FGFR1: variants seen among roughly 807,000 people sequenced by gnomAD.
The protein encoded by FGFR1 is fibroblast growth factor receptor 1.
A neutral mutation model predicts 93.7 loss-of-function variants in FGFR1; 18 were observed. The ratio of observed to expected loss-of-function variants is 0.19; its 90% CI spans 0.13 to 0.28. The LOEUF (loss-of-function observed/expected upper bound fraction) is 0.28, where lower values mean the gene tolerates loss of function less well. Ranked by LOEUF, FGFR1 falls within the 10% of genes least tolerant of loss-of-function variation. The pLI is 1.00. For synonymous variants in FGFR1, 448 were observed against 429.3 expected, an observed-to-expected ratio of 1.04 and a Z score of -0.54; for missense variants, 731 against 1,080.4, an observed-to-expected ratio of 0.68 and a Z score of 4.53.
chr8:38,419,831 T>C, intron 8 of FGFR1, 96 bp from the exon 9 acceptor site: 1 of 1,097,272 alleles, frequency 9.1e-7, no homozygotes. Context: ...TCCTGTCCCC[T>C]GGGAACTTTT....
intron 7 of FGFR1, 130 bp from the exon 8 acceptor site, chr8:38,422,071 CAAGG>C (rs1819012820): frequency 8.7e-7 from 1 of 1,154,606 alleles, no homozygotes; most frequent in Non-Finnish European, 1.3e-6. Flanking sequence ...TTCTTTGCAA[CAAGG>C]AACAAACGAA....
chr8:38,432,093 C>T lies in FGFR1; in HGVS notation c.92-2145G>A, dbSNP rs528980466. On this transcript the variant is annotated intron_variant, in intron 2 of 17. Coordinates refer to ENST00000447712, the MANE Select transcript of FGFR1 (RefSeq NM_023110.3). ...CTGGCATCACAAGGCCTATTGCAGC[C>T]GATCCCAGAGAAAAAAGCAGCTCCC... Among the ~76,000 whole-genome samples, 13 of 152,174 alleles carry T rather than the reference C, an allele frequency of 8.5e-5. No individual in the cohort carries two copies. The South Asian group carries it at 2.5e-3, about 29-fold the overall frequency.
chr8:38,440,590 T>A (rs934513500), intron 2 of FGFR1, among the ~76,000 whole-genome samples: 4 of 150,712 alleles, frequency 2.7e-5, no homozygotes, highest in African/African-American at 7.3e-5. Context: ...TTTTTTTTTT[T>A]AAATTGAAGA....
In FGFR1 at chr8:38,429,801, C is replaced by T. The variant is rs201055054; in HGVS notation, c.239G>A (p.Arg80His). ...CACCTCCACCTCCTCCCCTGTGATG[C>T]GGGTGCGGTTGCTTTCCGCCAGCTG... is the stretch of plus-strand genomic sequence containing the variant. ...GVQLAESNRT[R>H]ITGEEVEVQD... is the part of the protein sequence containing the mutation. The change falls in exon 3 of 18, where the codon CGC (arginine) becomes CAC (histidine). Residue 80 changes from arginine to histidine, a missense_variant. Arg to His is a conservative substitution (Grantham distance 29). This residue lies in a region of FGFR1 where 212 missense variants were observed against 205.8 expected (regional missense o/e 1.03). Coordinates refer to ENST00000447712, the MANE Select transcript of FGFR1 (RefSeq NM_023110.3). The surrounding 1 kb of genome is among the most constrained non-coding windows in gnomAD (Gnocchi z 4.4). 2.4e-5 allele frequency: 39 copies of T among 1,613,170 alleles called. No homozygotes were observed. Among genetic ancestry groups the T allele is most frequent in the African/African-American group, 6.7e-5 (5 of 75,038 alleles).
chr8:38,431,643 G>A (rs1404120272), intron 2 of FGFR1, among the ~76,000 whole-genome samples: 1 of 152,102 alleles, frequency 6.6e-6, no homozygotes, highest in Non-Finnish European at 1.5e-5. Flanking sequence ...GACTGACAGT[G>A]GTTTCTCTTG....
At chr8:38,420,666 GC>G (rs1818390848) in intron 8 of FGFR1, among the ~76,000 whole-genome samples, 1 of 152,056 alleles carries the variant, frequency 6.6e-6, no homozygotes, top group African/African-American at 2.4e-5. Flanking sequence ...AACACGCTTT[GC>G]CCCACGGGTG....
chr8:38,424,734 G>A lies in FGFR1; in HGVS notation c.746-35C>T, dbSNP rs1820111054. 1 of 1,599,346 alleles carries A rather than the reference G, an allele frequency of 6.3e-7. No individual in the cohort carries two copies. Among genetic ancestry groups the A allele is most frequent in the African/African-American group, 1.3e-5 (1 of 74,846 alleles). Reference sequence around the variant, plus strand: ...ATGGGAGAGGAGGCACTTGTCATGGGGACCTTGCCATGGCTAAAGAGGGGT... The same window carrying A: ...ATGGGAGAGGAGGCACTTGTCATGGAGACCTTGCCATGGCTAAAGAGGGGT... On this transcript the variant is annotated intron_variant, in intron 6 of 17. Transcript: ENST00000447712. This position sits in a 1 kb window ranked among gnomAD's most constrained non-coding sequence, Gnocchi z 4.3.
intron 14 of FGFR1, 27 bp from the exon 15 acceptor site, chr8:38,414,656 G>C (rs2150554121): frequency 6.2e-7 from 1 of 1,613,690 alleles, no homozygotes; most frequent in Non-Finnish European, 8.5e-7. Context: ...GGAGGTTGGA[G>C]TGGCCCCAGG....
Position 38,424,320 on chromosome 8 carries a change from C to T in FGFR1, c.936+189G>A. 1 of 744,430 alleles carries T rather than the reference C, an allele frequency of 1.3e-6. No homozygotes were observed. The highest frequency in any genetic ancestry group is 1.5e-5 in the South Asian group (1 of 67,410). The allele number at this position is 744,430 out of a possible 1,614,324, so 46.1% of individuals were successfully genotyped here. ...CAGCCCTCTGTTCCCAGCTCACCTC[C>T]ACTTTGTGACCTCTGTTACTAGTCC... On this transcript the variant is annotated intron_variant, in intron 7 of 17. Transcript: ENST00000447712. The surrounding 1 kb of genome is among the most constrained non-coding windows in gnomAD (Gnocchi z 4.3).
intron 2 of FGFR1, chr8:38,440,335 A>G: frequency 1.2e-6 from 2 of 1,604,838 alleles, no homozygotes; most frequent in South Asian, 1.1e-5. Context: ...GCCAGAGTGC[A>G]GAAGCATCTC....
In FGFR1 at chr8:38,426,293, C is replaced by T. The variant is rs2150869173; in HGVS notation, c.622-48G>A. On this transcript the variant is annotated intron_variant, in intron 5 of 17. Coordinates refer to ENST00000447712, the MANE Select transcript of FGFR1 (RefSeq NM_023110.3). This position sits in a 1 kb window ranked among gnomAD's most constrained non-coding sequence, Gnocchi z 4.1. ...TACATTGAGGGTCCAGAGGAAAATG[C>T]AGGCCCCATGACAATGTCGGCACCC... The T allele has an allele frequency of 6.2e-7, 1 of 1,612,070 alleles. No individual in the cohort carries two copies.
chr8:38,432,907 C>T (rs1246109655), intron 2 of FGFR1, among the ~76,000 whole-genome samples: 2 of 109,270 alleles, frequency 1.8e-5, no homozygotes, highest in East Asian at 2.8e-4. Flanking sequence ...CTCCCCACCG[C>T]GCCCCCCCCC....
intron 2 of FGFR1, among the ~76,000 whole-genome samples, chr8:38,437,731 G>T (rs1825918002): frequency 6.6e-6 from 1 of 152,200 alleles, no homozygotes; most frequent in African/African-American, 2.4e-5. Context: ...ATTTCAATTT[G>T]TAAGTTGAGG....
At chr8:38,465,194 G>A (rs1395473806) in intron 1 of FGFR1, among the ~76,000 whole-genome samples, 1 of 152,166 alleles carries the variant, frequency 6.6e-6, no homozygotes, top group African/African-American at 2.4e-5. Context: ...GCTATCAAAG[G>A]GCCACCTAAT....
intron 2 of FGFR1, chr8:38,435,377 C>A (rs986507303): frequency 5.9e-5 from 9 of 152,176 alleles, no homozygotes; most frequent in African/African-American, 1.9e-4. Flanking sequence ...CGGGTTCTAG[C>A]GGCTTTTTTC....
At chr8:38,416,604 C>T (rs375683187) in intron 12 of FGFR1, among the ~76,000 whole-genome samples, 41 of 151,962 alleles carry the variant, frequency 2.7e-4, no homozygotes, top group African/African-American at 8.7e-4. Context: ...TACAGGCATG[C>T]GCCACCACGC....
chr8:38,421,059 T>G (rs913065755), intron 8 of FGFR1, among the ~76,000 whole-genome samples: 3 of 152,038 alleles, frequency 2.0e-5, no homozygotes, highest in Non-Finnish European at 4.4e-5. Flanking sequence ...AAGAGGGCAG[T>G]GCCAGCAGGA....
At chr8:38,435,177 C>T (rs1259990935) in intron 2 of FGFR1, 1 of 152,166 alleles carries the variant, frequency 6.6e-6, no homozygotes, top group Non-Finnish European at 1.5e-5. Context: ...GCCTGTATTG[C>T]TTCTTAATTG....
At chr8:38,425,753 G>A (rs1317267122) in intron 6 of FGFR1, among the ~76,000 whole-genome samples, 3 of 152,202 alleles carry the variant, frequency 2.0e-5, no homozygotes, top group Non-Finnish European at 4.4e-5. Flanking sequence ...CACCTTGCAG[G>A]TGTGCCATGA....
Sources: allele counts gnomAD v4.1 joint callset (sites outside exome capture counted in the v4.1 genomes callset), GRCh38; gene constraint gnomAD v4.1.1; regional missense constraint gnomAD v4.1.1; non-coding constraint Gnocchi (gnomAD v3.1); transcripts MANE v1.5; gene names NCBI Gene and HGNC (gene_info 2026-07-23, HGNC 2026-07-21).